Variants in LHFPL2 observed in about 807,000 individuals in gnomAD.
LHFPL2 encodes the protein LHFPL tetraspan subfamily member 2 protein.
Under a neutral mutation model 17.5 loss-of-function variants are expected in LHFPL2, and 7 were observed. The ratio of observed to expected loss-of-function variants is 0.40; its 90% confidence interval spans 0.23 to 0.75. The LOEUF (loss-of-function observed/expected upper bound fraction) is 0.75, where lower values mean the gene tolerates loss of function less well. Among genes scored for constraint, LHFPL2 ranks in the 30% least tolerant of loss-of-function variants. The pLI, the probability that LHFPL2 is intolerant of heterozygous loss-of-function variation, is 0.37. For synonymous variants in LHFPL2, 134 were observed against 116.2 expected (o/e 1.15, Z -0.99); for missense variants, 241 against 294.8 (o/e 0.82, Z 1.34).
intron 1 of LHFPL2, among the ~76,000 whole-genome samples, chr5:78,640,781 C>A (rs778268281): frequency 6.6e-6 from 1 of 152,186 alleles, no homozygotes; most frequent in Non-Finnish European, 1.5e-5. Flanking sequence ...GTTACACAGA[C>A]TAACAATGAT....
Position 78,510,041 on chromosome 5 carries a change from T to TG in LHFPL2, c.172dup (p.His58ProfsTer154). The TG allele has an allele frequency of 6.2e-7, 1 of 1,609,804 alleles. No homozygotes were observed. The highest frequency in any genetic ancestry group is 8.5e-7 in the Non-Finnish European group (1 of 1,178,432). On this transcript the variant is annotated frameshift_variant, in exon 4 of 5. Coordinates refer to ENST00000380345, the MANE Select transcript of LHFPL2 (RefSeq NM_005779.3). LOFTEE classifies it high-confidence loss of function. ...GCGGGCGTAGATGCCCAGGGTGGGG[T>TG]GGTAGGGCTCCGGGGAGCCCCCGCC...
At chr5:78,585,543 T>C (rs1743353605) in intron 2 of LHFPL2, among the ~76,000 whole-genome samples, 1 of 152,090 alleles carries the variant, frequency 6.6e-6, no homozygotes, top group Admixed American at 6.6e-5. Context: ...GTACCTCAGA[T>C]GGAAATGCAG....
At chr5:78,533,511 A>G (rs1225451893) in intron 3 of LHFPL2, among the ~76,000 whole-genome samples, 1 of 152,220 alleles carries the variant, frequency 6.6e-6, no homozygotes, top group East Asian at 1.9e-4. Flanking sequence ...AGGTAAGTAT[A>G]AGCACAGCTC....
chr5:78,543,958 G>C (rs1756190452), intron 3 of LHFPL2, among the ~76,000 whole-genome samples: 2 of 152,194 alleles, frequency 1.3e-5, no homozygotes. Flanking sequence ...TCAGAATGGT[G>C]GAAGTCAATC....
At chr5:78,590,743 C>T (rs1743598096) in intron 2 of LHFPL2, among the ~76,000 whole-genome samples, 1 of 152,218 alleles carries the variant, frequency 6.6e-6, no homozygotes, top group South Asian at 2.1e-4. Flanking sequence ...ATAGTTGTAT[C>T]ATCCATGCTG....
chr5:78,572,498 GTATA>G (rs138995749), intron 2 of LHFPL2, among the ~76,000 whole-genome samples: 3 of 146,988 alleles, frequency 2.0e-5, no homozygotes, highest in Admixed American at 6.8e-5. Flanking sequence ...ATATATGTGT[GTATA>G]TATATATATA....
chr5:78,505,459 CA>C (rs935366584), intron 4 of LHFPL2, among the ~76,000 whole-genome samples: 1 of 152,160 alleles, frequency 6.6e-6, no homozygotes, highest in African/African-American at 2.4e-5. Flanking sequence ...ATGTGTGTGT[CA>C]GGGGAAGGGG....
At chr5:78,537,483 G>A (rs1051075326) in intron 3 of LHFPL2, among the ~76,000 whole-genome samples, 11 of 152,152 alleles carry the variant, frequency 7.2e-5, no homozygotes, top group Admixed American at 1.3e-4. Flanking sequence ...AGATTATATT[G>A]TTTCCTGGCA....
chr5:78,584,993 GTGTTTTTTT>G, intron 2 of LHFPL2, among the ~76,000 whole-genome samples: 1 of 84,774 alleles, frequency 1.2e-5, no homozygotes, highest in African/African-American at 5.0e-5. Flanking sequence ...CTGGTGCGCT[GTGTTTTTTT>G]TTTTTTTTTT....
At chr5:78,529,072 G>A (rs1432319044) in intron 3 of LHFPL2, among the ~76,000 whole-genome samples, 1 of 151,750 alleles carries the variant, frequency 6.6e-6, no homozygotes, top group African/African-American at 2.4e-5. Context: ...TTGAGGCCAG[G>A]CGTTCAACAG....
chr5:78,627,496 A>G (rs1745090467), intron 2 of LHFPL2, among the ~76,000 whole-genome samples: 1 of 152,198 alleles, frequency 6.6e-6, no homozygotes, highest in Non-Finnish European at 1.5e-5. Flanking sequence ...TTTCTCTTAA[A>G]GAAACCTTTA....
rs368538283 is a variant in LHFPL2 at position 78,509,732 on chromosome 5, C to G, written c.430+52G>C. On this transcript the variant is annotated intron_variant, in intron 4 of 4. Coordinates refer to ENST00000380345, the MANE Select transcript of LHFPL2 (RefSeq NM_005779.3). ...TGCCCAGTACCAGAGTGCGCTGCAC[C>G]GGCAGCTCTCCATCCCTCCATCCCA... 70 of 1,552,364 alleles carry G rather than the reference C, an allele frequency of 4.5e-5. 1 individual carries two copies. Among genetic ancestry groups the G allele is most frequent in the South Asian group, 3.2e-4 (27 of 84,782 alleles).
At chr5:78,494,015 G>C (rs1415934141) in intron 4 of LHFPL2, among the ~76,000 whole-genome samples, 1 of 152,164 alleles carries the variant, frequency 6.6e-6, no homozygotes, top group Non-Finnish European at 1.5e-5. Context: ...TGACGGCTGA[G>C]CCAGAAAATG....
At chr5:78,562,352 G>C (rs978577948) in intron 3 of LHFPL2, among the ~76,000 whole-genome samples, 25 of 152,086 alleles carry the variant, frequency 1.6e-4, no homozygotes, top group Non-Finnish European at 2.9e-4. Flanking sequence ...TGACATGAAG[G>C]CTCACCCCAG....
At chr5:78,620,460 A>G (rs1744811230) in intron 2 of LHFPL2, among the ~76,000 whole-genome samples, 1 of 152,208 alleles carries the variant, frequency 6.6e-6, no homozygotes, top group Admixed American at 6.5e-5. Flanking sequence ...AATGATCAAC[A>G]AGGACCTCAA....
At chr5:78,581,495 G>A in intron 2 of LHFPL2, among the ~76,000 whole-genome samples, 1 of 152,122 alleles carries the variant, frequency 6.6e-6, no homozygotes, top group Admixed American at 6.5e-5. Context: ...AGAGTTTTTA[G>A]CATGAAGTTG....
chr5:78,591,677 A>G (rs1242208378), intron 2 of LHFPL2, among the ~76,000 whole-genome samples: 1 of 152,138 alleles, frequency 6.6e-6, no homozygotes, highest in African/African-American at 2.4e-5. Flanking sequence ...CTTTCTGACA[A>G]TTATTAAATA....
intron 2 of LHFPL2, among the ~76,000 whole-genome samples, chr5:78,579,013 T>C (rs1757210316): frequency 6.6e-6 from 1 of 152,202 alleles, no homozygotes. Flanking sequence ...AGGTAGGCCC[T>C]TCTGGGGAGG....
At chr5:78,578,435 T>A (rs1757187701) in intron 2 of LHFPL2, among the ~76,000 whole-genome samples, 1 of 152,080 alleles carries the variant, frequency 6.6e-6, no homozygotes, top group African/African-American at 2.4e-5. Flanking sequence ...TTTGGGGAGT[T>A]TTGGAATTGG....
Sources: gnomAD v4.1 joint callset for allele counts (sites outside exome capture counted in the v4.1 genomes callset) on GRCh38, gnomAD v4.1.1 for gene constraint, MANE v1.5 for transcripts, NCBI Gene and HGNC (gene_info 2026-07-23, HGNC 2026-07-21) for gene names.